Variants in OXTR observed in about 807,000 individuals in gnomAD.
The protein encoded by OXTR is oxytocin receptor.
OXTR carries 19 observed loss-of-function variants against 23.9 expected under a neutral mutation model. The ratio of observed to expected loss-of-function variants is 0.80; its 90% confidence interval spans 0.56 to 1.17. The LOEUF is 1.17. OXTR is among the 50% of genes most tolerant of loss of function. The pLI is 0.00. For missense variants in OXTR, 500 were observed against 550.7 expected, an observed-to-expected ratio of 0.91 and a Z score of 0.92; for synonymous variants, 278 against 250.5, an observed-to-expected ratio of 1.11 and a Z score of -1.04.
rs868112599 is a variant in OXTR at position 8,768,078 on chromosome 3, G to C, written c.110C>G (p.Ala37Gly). The part of the protein sequence containing the change: ...RTAGPPRRNE[A>G]LARVEVAVLC... ...CACCGCCACCTCCACGCGCGCCAGG[G>C]CCTCGTTGCGCCGCGGGGGTCCGGC... is the stretch of plus-strand genomic sequence containing the variant. Residue 37 changes from alanine (A) to glycine (G), a missense_variant, in exon 3 of 4, where the codon GCC becomes GGC. Coordinates refer to ENST00000316793, the MANE Select transcript of OXTR (RefSeq NM_000916.4). The surrounding 1 kb of genome is among the most constrained non-coding windows in gnomAD (Gnocchi z 5.4). 6.7e-7 allele frequency: 1 copy of C among 1,494,688 alleles called. No individual in the cohort carries two copies. Among genetic ancestry groups the C allele is most frequent in the Middle Eastern group, 2.0e-4 (1 of 4,908 alleles). The allele number at this position is 1,494,688 out of a possible 1,614,324, so 92.6% of individuals were successfully genotyped here.
At chr3:8,743,145 G>A in the OXTR span, among the ~76,000 whole-genome samples, 1 of 152,072 alleles carries the variant, frequency 6.6e-6, no homozygotes, top group Non-Finnish European at 1.5e-5. Context: ...TGAAGGGTCC[G>A]CCCCCATGAC....
intron 3 of OXTR, among the ~76,000 whole-genome samples, chr3:8,754,306 C>T (rs963727896): frequency 1.3e-5 from 2 of 152,216 alleles, no homozygotes; most frequent in Non-Finnish European, 2.9e-5. Flanking sequence ...GGATAAAAAT[C>T]TGCCTTCTTT....
the OXTR span, among the ~76,000 whole-genome samples, chr3:8,742,059 C>G: frequency 6.6e-6 from 1 of 152,196 alleles, no homozygotes; most frequent in African/African-American, 2.4e-5. Flanking sequence ...GCCATCTCCT[C>G]TCTTCTGGAA....
At chr3:8,763,511 C>T (rs1708535558) in intron 3 of OXTR, among the ~76,000 whole-genome samples, 4 of 152,228 alleles carry the variant, frequency 2.6e-5, no homozygotes. Context: ...CAAACTCCCT[C>T]CTCATCCTCA....
chr3:8,761,782 G>C (rs115426203), intron 3 of OXTR, among the ~76,000 whole-genome samples: 1,709 of 152,316 alleles, frequency 0.011, 22 homozygotes, highest in African/African-American at 0.039. Flanking sequence ...CCAAAGCTGA[G>C]GTCCAGAGAG....
chr3:8,753,319 G>T, intron 3 of OXTR, 95 bp from the exon 4 acceptor site: 2 of 1,409,550 alleles, frequency 1.4e-6, no homozygotes, highest in South Asian at 1.4e-5. Context: ...TTTCCTGAGC[G>T]ACAGCCTTGT....
downstream of OXTR, among the ~76,000 whole-genome samples, chr3:8,749,201 C>T (rs964845589): frequency 2.6e-5 from 4 of 151,972 alleles, no homozygotes; most frequent in Non-Finnish European, 5.9e-5. Context: ...GGGTGGGGGT[C>T]GGGGTGTATA....
At chr3:8,744,217 G>A in the OXTR span, among the ~76,000 whole-genome samples, 4 of 152,138 alleles carry the variant, frequency 2.6e-5, no homozygotes, top group East Asian at 5.8e-4. Flanking sequence ...TAACAACCAT[G>A]GGGAGACCAG....
chr3:8,746,594 G>A (rs1421157935), downstream of OXTR: 2 of 152,004 alleles, frequency 1.3e-5, no homozygotes, highest in African/African-American at 2.4e-5. Flanking sequence ...GAAGGGCCTG[G>A]GTTCAAGCCT....
chr3:8,763,961 A>G (rs1206828037), intron 3 of OXTR, among the ~76,000 whole-genome samples: 1 of 151,718 alleles, frequency 6.6e-6, no homozygotes, highest in African/African-American at 2.4e-5. Flanking sequence ...CCTTATATCT[A>G]TTTTATCTTG....
chr3:8,762,318 G>T (rs944725228), intron 3 of OXTR, among the ~76,000 whole-genome samples: 2 of 152,156 alleles, frequency 1.3e-5, no homozygotes, highest in African/African-American at 4.8e-5. Context: ...TTTTGATTTT[G>T]GATTTTTGTC....
downstream of OXTR, chr3:8,745,856 AAGG>A (rs1027684031): frequency 2.5e-6 from 4 of 1,611,620 alleles, no homozygotes; most frequent in African/African-American, 5.3e-5. This position sits in a 1 kb window ranked among gnomAD's most constrained non-coding sequence, Gnocchi z 4.8. Flanking sequence ...GGTGCTGCGG[AAGG>A]AGGTCTAAAG....
At position 8,751,203 on chromosome 3, in the gene OXTR, C is replaced by T. The variant is rs200774696; in HGVS notation, c.*1774G>A. The T allele has an allele frequency of 6.6e-6, 1 of 152,096 alleles. No homozygotes were observed. The highest frequency in any genetic ancestry group is 1.5e-5 in the Non-Finnish European group (1 of 68,012). 9.4% of individuals were successfully genotyped at this position (152,096 alleles called of 1,614,324 possible). On this transcript the variant is annotated 3_prime_UTR_variant, in exon 4 of 4. Coordinates refer to ENST00000316793, the MANE Select transcript of OXTR (RefSeq NM_000916.4). Reference sequence around the variant, plus strand: ...TCTTTGGAGAAATGTCTATTCAAACCGTTAGCCCATTTTTTAAATTGATTT... The same window carrying T: ...TCTTTGGAGAAATGTCTATTCAAACTGTTAGCCCATTTTTTAAATTGATTT...
rs778999988 is a variant in OXTR at position 8,752,995 on chromosome 3, G to A, written c.1152C>T (p.Ser384=). 2 of 1,612,018 alleles carry A rather than the reference G, an allele frequency of 1.2e-6. No homozygotes were observed. Among genetic ancestry groups the A allele is most frequent in the South Asian group, 2.2e-5 (2 of 91,022 alleles). The change falls in exon 4 of 4, where the codon TCC becomes TCT. Residue 384 remains serine (S), a synonymous_variant. Transcript: ENST00000316793. ...SHRSSSQRSC[S]QPSTA ...TGGTGGGTCACGCCGTGGATGGCTG[G>A]GAGCAGCTCCTCTGGCTGGAGCTGC...
At chr3:8,754,481 G>A (rs964827655) in intron 3 of OXTR, among the ~76,000 whole-genome samples, 1 of 152,200 alleles carries the variant, frequency 6.6e-6, no homozygotes, top group African/African-American at 2.4e-5. Flanking sequence ...TCTTCCTTCT[G>A]TCTGCTCTGC....
intron 3 of OXTR, among the ~76,000 whole-genome samples, chr3:8,766,317 C>A (rs1000858546): frequency 6.6e-6 from 1 of 152,172 alleles, no homozygotes; most frequent in Admixed American, 6.5e-5. Flanking sequence ...CAGCCACAAA[C>A]CCCAGAGCCC....
chr3:8,756,567 C>T (rs1708377931), intron 3 of OXTR, among the ~76,000 whole-genome samples: 1 of 152,148 alleles, frequency 6.6e-6, no homozygotes, highest in African/African-American at 2.4e-5. Flanking sequence ...GAGCAACTTC[C>T]CTGTTCCCAA....
chr3:8,759,810 C>T (rs1708449633), intron 3 of OXTR, among the ~76,000 whole-genome samples: 1 of 152,206 alleles, frequency 6.6e-6, no homozygotes, highest in South Asian at 2.1e-4. Context: ...AAAGGAGATA[C>T]TGGCAGAGGC....
chr3:8,768,625 T>C lies in OXTR; in HGVS notation c.-238-34A>G, dbSNP rs237915. 34,741 of 158,214 alleles carry C rather than the reference T, an allele frequency of 0.22. 4,527 individuals carry two copies. Among genetic ancestry groups the C allele is most frequent in the Non-Finnish European group, 0.3 (21,460 of 72,480 alleles). 9.8% of individuals were successfully genotyped at this position (158,214 alleles called of 1,614,324 possible). The stretch of plus-strand genomic sequence containing the variant: ...GAAGGGAGGGTCAAAATCAGCAACG[T>C]TCCTCCGGGAGTGGGAATCTAAAAC... On this transcript the variant is annotated intron_variant, in intron 1 of 3. Coordinates refer to ENST00000316793, the MANE Select transcript of OXTR (RefSeq NM_000916.4). This position sits in a 1 kb window ranked among gnomAD's most constrained non-coding sequence, Gnocchi z 5.4.
Sources: gnomAD v4.1 joint callset for allele counts (sites outside exome capture counted in the v4.1 genomes callset) on GRCh38, gnomAD v4.1.1 for gene constraint, Gnocchi (gnomAD v3.1) non-coding constraint, MANE v1.5 for transcripts, NCBI Gene and HGNC (gene_info 2026-07-23, HGNC 2026-07-21) for gene names.